Variants in GPHN observed in about 807,000 individuals in gnomAD.
The protein encoded by GPHN is gephyrin.
A neutral mutation model predicts 95.5 loss-of-function variants in GPHN; 17 were observed. That is an observed-to-expected ratio of 0.18 (90% CI 0.12 to 0.27). The LOEUF is 0.27. GPHN is among the 10% of genes least tolerant of loss of function. The probability of loss-of-function intolerance (pLI) is 1.00; values close to 1 mark genes in which losing one functional copy is unlikely to be tolerated. For missense variants in GPHN, 660 were observed against 978.1 expected (o/e 0.67, Z 4.34); for synonymous variants, 320 against 322.5 (o/e 0.99, Z 0.08).
At chr14:66,972,039 A>T (rs1253237715) in intron 9 of GPHN, among the ~76,000 whole-genome samples, 1 of 152,022 alleles carries the variant, frequency 6.6e-6, no homozygotes, top group Non-Finnish European at 1.5e-5. Flanking sequence ...AGGCTGAGGC[A>T]GGCGGGTCAC....
the GPHN span, chr14:67,726,256 G>C: frequency 3.8e-6 from 3 of 796,042 alleles, no homozygotes; most frequent in Non-Finnish European, 6.8e-6. Flanking sequence ...GGCCTTCATA[G>C]AGCCTAGGAA....
chr14:66,879,422 G>A (rs769738286), intron 4 of GPHN, among the ~76,000 whole-genome samples: 1 of 151,606 alleles, frequency 6.6e-6, no homozygotes, highest in Non-Finnish European at 1.5e-5. Flanking sequence ...TTAGGAAGAT[G>A]GTAAATGTAG....
intron 18 of GPHN, among the ~76,000 whole-genome samples, chr14:67,155,481 T>C (rs1274537996): frequency 1.3e-5 from 2 of 152,218 alleles, no homozygotes; most frequent in South Asian, 2.1e-4. Flanking sequence ...CTGATACTTA[T>C]ATTGTCTCAC....
At chr14:67,204,521 G>A in the GPHN span, 65 of 1,607,618 alleles carry the variant, frequency 4.0e-5, no homozygotes, top group Middle Eastern at 6.7e-4. Flanking sequence ...TGATGTTACC[G>A]TGTGCTTGTT....
the GPHN span, among the ~76,000 whole-genome samples, chr14:67,711,876 A>G: frequency 3.9e-5 from 6 of 152,324 alleles, no homozygotes; most frequent in East Asian, 1.2e-3. Context: ...ACAGAAATCT[A>G]TCATAGGATT....
chr14:66,849,634 T>G (rs1426026300), intron 4 of GPHN, among the ~76,000 whole-genome samples: 1 of 152,074 alleles, frequency 6.6e-6, no homozygotes, highest in Non-Finnish European at 1.5e-5. Context: ...AAAAATTGTA[T>G]TTTTATTGGC....
At chr14:66,826,966 A>T (rs1212501208) in intron 4 of GPHN, among the ~76,000 whole-genome samples, 1 of 152,116 alleles carries the variant, frequency 6.6e-6, no homozygotes, top group Non-Finnish European at 1.5e-5. Context: ...AAGTCGTCTC[A>T]TTAGCATAAA....
chr14:66,875,552 A>T (rs2063617538), intron 4 of GPHN, among the ~76,000 whole-genome samples: 1 of 152,202 alleles, frequency 6.6e-6, no homozygotes, highest in South Asian at 2.1e-4. Flanking sequence ...AAATAAAGGG[A>T]TGGAGGAATA....
At chr14:67,083,826 T>A (rs2076785668) in intron 11 of GPHN, among the ~76,000 whole-genome samples, 1 of 152,190 alleles carries the variant, frequency 6.6e-6, no homozygotes, top group South Asian at 2.1e-4. Flanking sequence ...GGGTACAGCT[T>A]CAAAGAAATG....
At chr14:67,479,996 C>T in the GPHN span, among the ~76,000 whole-genome samples, 4 of 152,284 alleles carry the variant, frequency 2.6e-5, no homozygotes, top group Middle Eastern at 3.4e-3. Context: ...ACCTAATGGA[C>T]GCTGCCCAAC....
chr14:67,363,395 G>A, the GPHN span, among the ~76,000 whole-genome samples: 1 of 151,950 alleles, frequency 6.6e-6, no homozygotes, highest in African/African-American at 2.4e-5. Flanking sequence ...TCAAACAGAT[G>A]AGTACTAATA....
the GPHN span, chr14:67,695,690 A>C: frequency 1.2e-6 from 2 of 1,614,184 alleles, no homozygotes; most frequent in South Asian, 1.1e-5. Context: ...CAGCGGGAAC[A>C]TGAGCTCAAC....
the GPHN span, among the ~76,000 whole-genome samples, chr14:67,309,900 G>C: frequency 6.6e-6 from 1 of 151,956 alleles, no homozygotes; most frequent in African/African-American, 2.4e-5. Context: ...AATCAAGATT[G>C]ACAAGTACTT....
At chr14:67,300,547 C>T in the GPHN span, among the ~76,000 whole-genome samples, 15 of 152,170 alleles carry the variant, frequency 9.9e-5, no homozygotes, top group African/African-American at 2.2e-4. Context: ...AGGCTGGTCT[C>T]GAACTCCTGA....
the GPHN span, among the ~76,000 whole-genome samples, chr14:67,487,638 G>A: frequency 6.6e-6 from 1 of 152,148 alleles, no homozygotes; most frequent in Admixed American, 6.5e-5. Context: ...AACAAAATGT[G>A]TGCTAAACCT....
the GPHN span, among the ~76,000 whole-genome samples, chr14:67,712,414 A>G: frequency 6.6e-6 from 1 of 151,928 alleles, no homozygotes; most frequent in South Asian, 2.1e-4. Context: ...ATTCTTCCTT[A>G]AAAATCCCAG....
the GPHN span, chr14:67,279,542 G>C: frequency 6.6e-7 from 1 of 1,519,246 alleles, no homozygotes; most frequent in East Asian, 2.3e-5. Flanking sequence ...TATTAGGTAA[G>C]TAAAAATAGA....
the GPHN span, among the ~76,000 whole-genome samples, chr14:67,674,058 A>C: frequency 6.6e-6 from 1 of 152,224 alleles, no homozygotes; most frequent in Admixed American, 6.5e-5. Flanking sequence ...AAAACAAACA[A>C]AAACAGCTAT....
chr14:66,999,160 TC>T (rs1322748902), intron 9 of GPHN, among the ~76,000 whole-genome samples: 4 of 151,942 alleles, frequency 2.6e-5, no homozygotes, highest in African/African-American at 9.7e-5. Context: ...AGTCATTAGC[TC>T]TGTGACTAGC....
Sources: allele counts gnomAD v4.1 joint callset (sites outside exome capture counted in the v4.1 genomes callset), GRCh38; gene constraint gnomAD v4.1.1; transcripts MANE v1.5; gene names NCBI Gene and HGNC (gene_info 2026-07-23, HGNC 2026-07-21).